The following DYNC2LI1 variants were observed in gnomAD, a reference collection of about 807,000 sequenced individuals.
DYNC2LI1 encodes dynein cytoplasmic 2 light intermediate chain 1, also known as cytoplasmic dynein 2 light intermediate chain 1.
Under a neutral mutation model 51.9 loss-of-function variants are expected in DYNC2LI1, and 45 were observed. The observed-to-expected ratio is 0.87, with a 90% confidence interval of 0.68 to 1.11. The LOEUF (loss-of-function observed/expected upper bound fraction) is 1.11. Among genes scored for constraint, DYNC2LI1 ranks in the 50% most tolerant of loss-of-function variants. The pLI is 0.00. For synonymous variants in DYNC2LI1, 130 were observed against 137.8 expected (o/e 0.94, Z 0.40); for missense variants, 490 against 417.4 (o/e 1.17, Z -1.51).
chr2:43,828,110 C>G, the DYNC2LI1 span: 3 of 1,614,026 alleles, frequency 1.9e-6, no homozygotes, highest in South Asian at 3.3e-5. Context: ...CCATGACGGC[C>G]TCCACCTGCA....
chr2:43,824,796 T>G, the DYNC2LI1 span: 1 of 1,567,978 alleles, frequency 6.4e-7, no homozygotes, highest in Non-Finnish European at 8.7e-7. Flanking sequence ...AAAGCAAAAA[T>G]CAAATCCACT....
rs536364782 is a variant in DYNC2LI1 at position 43,790,661 on chromosome 2, G to C, written c.320+940G>C. Among the ~76,000 whole-genome samples the C allele has an allele frequency of 2.7e-4, 41 of 152,040 alleles. 1 individual carries two copies. The highest frequency in any genetic ancestry group is 9.9e-4 in the African/African-American group (41 of 41,484). ...GAAAGACACAAAGTAAAAGGAACCA[G>C]AATCACATTAAAAAATAACCACTTT... On this transcript the variant is annotated intron_variant, in intron 5 of 12. Coordinates refer to ENST00000260605, the MANE Select transcript of DYNC2LI1 (RefSeq NM_016008.4).
chr2:43,809,940 A>G lies in DYNC2LI1; in HGVS notation c.*173A>G. ...CCCTGTATATCTTGAAGCTTTTTAA[A>G]AGGAAAAATTATTGTAGAACCACGT... On this transcript the variant is annotated 3_prime_UTR_variant, in exon 13 of 13. Coordinates refer to ENST00000260605, the MANE Select transcript of DYNC2LI1 (RefSeq NM_016008.4). 3 of 1,342,158 alleles carry G rather than the reference A, an allele frequency of 2.2e-6. No individual in the cohort carries two copies. The highest frequency in any genetic ancestry group is 2.9e-6 in the Non-Finnish European group (3 of 1,043,634). The allele number at this position is 1,342,158 out of a possible 1,614,324, so 83.1% of individuals were successfully genotyped here.
intron 6 of DYNC2LI1, chr2:43,794,862 T>C: frequency 2.1e-6 from 3 of 1,431,112 alleles, no homozygotes; most frequent in Non-Finnish European, 2.7e-6. Flanking sequence ...TCTTCTGTGA[T>C]TGTTATGGCA....
At chr2:43,817,887 G>A in the DYNC2LI1 span, among the ~76,000 whole-genome samples, 1 of 152,130 alleles carries the variant, frequency 6.6e-6, no homozygotes, top group Non-Finnish European at 1.5e-5. Flanking sequence ...TCCAGCCTGG[G>A]TGACAGAGCG....
chr2:43,801,787 T>G, intron 10 of DYNC2LI1, 78 bp downstream of exon 10: 1 of 979,170 alleles, frequency 1.0e-6, no homozygotes, highest in Non-Finnish European at 1.6e-6. Context: ...TCACTTTGTC[T>G]CCAACATACT....
At chr2:43,822,475 CA>C in the DYNC2LI1 span, 124 of 660,324 alleles carry the variant, frequency 1.9e-4, no homozygotes, top group South Asian at 2.8e-4. Context: ...TCCCCTCCCC[CA>C]GGCCCCCCCC....
the DYNC2LI1 span, among the ~76,000 whole-genome samples, chr2:43,823,507 C>T: frequency 1.3e-5 from 2 of 152,186 alleles, no homozygotes; most frequent in Admixed American, 1.3e-4. Flanking sequence ...TGGAATTCCA[C>T]TGAATTTGAA....
chr2:43,822,478 G>GCCCCCCCCCCC, the DYNC2LI1 span: 4 of 432,344 alleles, frequency 9.3e-6, no homozygotes, highest in African/African-American at 8.6e-5. Context: ...CCTCCCCCAG[G>GCCCCCCCCCCC]CCCCCCCCCA....
chr2:43,777,645 C>T (rs1200931893), intron 2 of DYNC2LI1, among the ~76,000 whole-genome samples: 4 of 152,178 alleles, frequency 2.6e-5, no homozygotes, highest in Admixed American at 6.5e-5. Flanking sequence ...TCCACTTAAG[C>T]GCATTGACAA....
At chr2:43,817,866 C>T in the DYNC2LI1 span, among the ~76,000 whole-genome samples, 17,751 of 150,778 alleles carry the variant, frequency 0.12, 1,351 homozygotes, top group Middle Eastern at 0.26. Flanking sequence ...GCCGAGATCG[C>T]GCCACTGCAT....
At chr2:43,814,174 G>A (rs1163027581), downstream of DYNC2LI1, among the ~76,000 whole-genome samples, 1 of 152,132 alleles carries the variant, frequency 6.6e-6, no homozygotes, top group East Asian at 1.9e-4. Context: ...AATGTGTTCA[G>A]TAGATACAGG....
chr2:43,805,358 A>G (rs1666211962), intron 12 of DYNC2LI1, 112 bp downstream of exon 12: 1 of 577,530 alleles, frequency 1.7e-6, no homozygotes, highest in Non-Finnish European at 3.0e-6. Flanking sequence ...TATCTTCTTT[A>G]CTATTAAAAT....
the DYNC2LI1 span, among the ~76,000 whole-genome samples, chr2:43,825,381 G>A: frequency 3.3e-5 from 5 of 151,978 alleles, no homozygotes; most frequent in Non-Finnish European, 5.9e-5. Context: ...GTCTTAGTTT[G>A]TTTTTTTGTT....
intron 2 of DYNC2LI1, among the ~76,000 whole-genome samples, chr2:43,779,281 A>G (rs1366170930): frequency 6.6e-6 from 1 of 152,132 alleles, no homozygotes. Context: ...AGAAAGAAAA[A>G]AGTATCTGAT....
intron 12 of DYNC2LI1, among the ~76,000 whole-genome samples, chr2:43,809,198 C>A (rs1343153554): frequency 2.6e-5 from 4 of 152,084 alleles, no homozygotes; most frequent in African/African-American, 9.7e-5. Context: ...CCCTATGTTG[C>A]CCAGGCTGGT....
chr2:43,801,634 C>T lies in DYNC2LI1; in HGVS notation c.732-5C>T, dbSNP rs17495522. The stretch of plus-strand genomic sequence containing the variant: ...TAATTTAGAATCTTTCTCTTCTCCA[C>T]GTAGCAAATCAATATGTGTGGATCA... On this transcript the variant is annotated splice_polypyrimidine_tract_variant and splice_region_variant and intron_variant, in intron 9 of 12. Coordinates refer to ENST00000260605, the MANE Select transcript of DYNC2LI1 (RefSeq NM_016008.4). The T allele has an allele frequency of 0.023, 37,345 of 1,603,140 alleles. 604 individuals carry two copies. Among genetic ancestry groups the T allele is most frequent in the Non-Finnish European group, 0.026 (30,486 of 1,173,430 alleles).
intron 3 of DYNC2LI1, among the ~76,000 whole-genome samples, chr2:43,786,388 C>T (rs995341289): frequency 1.3e-5 from 2 of 151,952 alleles, no homozygotes; most frequent in African/African-American, 2.4e-5. Context: ...TGCCATGTTG[C>T]CCAGGCCAGT....
At chr2:43,808,309 C>T (rs1278751937) in intron 12 of DYNC2LI1, among the ~76,000 whole-genome samples, 2 of 150,164 alleles carry the variant, frequency 1.3e-5, no homozygotes, top group Non-Finnish European at 3.0e-5. Context: ...AGTCTATATA[C>T]CATTTTGAAA....
Sources: allele counts gnomAD v4.1 joint callset (sites outside exome capture counted in the v4.1 genomes callset), GRCh38; gene constraint gnomAD v4.1.1; transcripts MANE v1.5; gene names NCBI Gene and HGNC (gene_info 2026-07-23, HGNC 2026-07-21).